The following ELAVL4 variants were observed in gnomAD, a reference collection of about 807,000 sequenced individuals.
The protein encoded by ELAVL4 is ELAV like RNA binding protein 4, also known as ELAV-like protein 4.
ELAVL4 carries 1 observed loss-of-function variant against 35.6 expected under a neutral mutation model. The ratio of observed to expected loss-of-function variants is 0.03; its 90% CI spans 0.01 to 0.13. ELAVL4 has a LOEUF of 0.13. ELAVL4 is among the 10% of genes least tolerant of loss of function. ELAVL4 has a pLI of 1.00. For missense variants in ELAVL4, 267 were observed against 464.9 expected, an observed-to-expected ratio of 0.57 and a Z score of 3.91; for synonymous variants, 156 against 171.0, an observed-to-expected ratio of 0.91 and a Z score of 0.69.
At chr1:50,103,325 CA>C, upstream of ELAVL4, among the ~76,000 whole-genome samples, 1 of 152,232 alleles carries the variant, frequency 6.6e-6, no homozygotes, top group South Asian at 2.1e-4. Flanking sequence ...GAACATTCGA[CA>C]GTGAATTTCT....
intron 1 of ELAVL4, among the ~76,000 whole-genome samples, chr1:50,138,747 T>C (rs1253757992): frequency 2.0e-5 from 3 of 152,140 alleles, no homozygotes; most frequent in Admixed American, 2.0e-4. Context: ...ATTACAGGCA[T>C]GAGCCACCAC....
intron 2 of ELAVL4, among the ~76,000 whole-genome samples, chr1:50,149,833 T>C (rs1572406773): frequency 6.6e-6 from 1 of 152,164 alleles, no homozygotes; most frequent in Non-Finnish European, 1.5e-5. Flanking sequence ...TGAGCCACTG[T>C]GCCTAGCCAC....
In ELAVL4 at chr1:50,183,134, G is replaced by A. The variant is rs936544439; in HGVS notation, c.354+5942G>A. On this transcript the variant is annotated intron_variant, in intron 3 of 6. Transcript: ENST00000371824. ...TGGCCTCCCAAAGTGCTGGGATTAC[G>A]GGTGTGAGCCACTGCGCCCGGCCGA... 3.8e-4 allele frequency among the ~76,000 whole-genome samples: 58 copies of A among 151,928 alleles called. 1 individual carries two copies. The highest frequency in any genetic ancestry group is 3.9e-4 in the Admixed American group (6 of 15,250).
chr1:50,075,931 GATTCTCATGCCTC>G (rs1664742684), intron 1 of ELAVL4, among the ~76,000 whole-genome samples: 1 of 151,988 alleles, frequency 6.6e-6, no homozygotes, highest in Non-Finnish European at 1.5e-5. Context: ...GGGTTCAAGC[GATTCTCATGCCTC>G]AGCCTCCTGA....
chr1:50,203,015 G>A lies in ELAVL4; in HGVS notation c.*1837G>A, dbSNP rs375334266. ...ATTTTAGTATGTTTGTGCTTTGTAC[G>A]GTTATATATTTAAAACGAAAACAAA... On this transcript the variant is annotated 3_prime_UTR_variant, in exon 7 of 7. Transcript: ENST00000371824. The A allele has an allele frequency of 1.3e-5, 2 of 152,056 alleles. No homozygotes were observed. The highest frequency in any genetic ancestry group is 4.8e-5 in the African/African-American group (2 of 41,404). The allele number at this position is 152,056 out of a possible 1,614,324, so 9.4% of individuals were successfully genotyped here.
intron 2 of ELAVL4, chr1:50,175,517 C>G (rs551507421): frequency 6.6e-6 from 1 of 152,342 alleles, no homozygotes; most frequent in African/African-American, 2.4e-5. Context: ...TCTTCAGTTA[C>G]TAATCCTGGC....
intron 2 of ELAVL4, among the ~76,000 whole-genome samples, chr1:50,164,763 T>TA (rs953526340): frequency 7.9e-5 from 12 of 152,054 alleles, no homozygotes; most frequent in South Asian, 2.1e-4. Context: ...AAGGCTCTGG[T>TA]AAAAAAAAGA....
At chr1:50,199,400 A>G (rs1008467798) in intron 6 of ELAVL4, among the ~76,000 whole-genome samples, 1 of 152,258 alleles carries the variant, frequency 6.6e-6, no homozygotes, top group African/African-American at 2.4e-5. Context: ...GAAAAGCAAG[A>G]AACTATTCAG....
intron 1 of ELAVL4, among the ~76,000 whole-genome samples, chr1:50,117,338 C>T (rs1218394188): frequency 6.6e-6 from 1 of 152,114 alleles, no homozygotes; most frequent in Non-Finnish European, 1.5e-5. Flanking sequence ...TATTACCATG[C>T]CTTTGTTGGC....
At chr1:50,192,787 G>A in intron 3 of ELAVL4, among the ~76,000 whole-genome samples, 1 of 152,148 alleles carries the variant, frequency 6.6e-6, no homozygotes, top group East Asian at 1.9e-4. Context: ...TATTTCAAAT[G>A]TCTGATGTTG....
chr1:50,149,003 A>AATT (rs1674247798), intron 2 of ELAVL4, among the ~76,000 whole-genome samples: 3 of 152,104 alleles, frequency 2.0e-5, no homozygotes, highest in African/African-American at 7.2e-5. Context: ...AGCAGAGCTG[A>AATT]ATTATTATTA....
Position 50,110,666 on chromosome 1 carries a change from A to G in ELAVL4, c.9+1468A>G, listed in dbSNP as rs552637096. On this transcript the variant is annotated intron_variant, in intron 1 of 6. Transcript: ENST00000371824. ...GTTTCACAAGGTTTCAGAGCTGGGT[A>G]TGGGGGCAGGCTGTAAATTCATAAC... Among the ~76,000 whole-genome samples, 7 of 152,224 alleles carry G rather than the reference A, an allele frequency of 4.6e-5. No individual in the cohort carries two copies. In the South Asian group the frequency reaches 8.3e-4, roughly 18 times the overall value.
In ELAVL4 at chr1:50,152,958, T is replaced by G. The variant is rs1031881990; in HGVS notation, c.250+7761T>G. Among the ~76,000 whole-genome samples the G allele has an allele frequency of 5.3e-5, 8 of 152,242 alleles. 1 individual carries two copies. Among genetic ancestry groups the G allele is most frequent in the Admixed American group, 5.2e-4 (8 of 15,286 alleles). ...ATAGATATTATTCCCTTTCCTTCCC[T>G]TCTCTGAAATTCTGTATCACAGTCT... On this transcript the variant is annotated intron_variant, in intron 2 of 6. Transcript: ENST00000371824.
intron 1 of ELAVL4, among the ~76,000 whole-genome samples, chr1:50,054,003 C>T (rs1330226765): frequency 1.3e-5 from 2 of 152,010 alleles, no homozygotes; most frequent in Non-Finnish European, 2.9e-5. Context: ...AGGGCAAAGG[C>T]CATATGGCAG....
At chr1:50,197,648 C>A in intron 6 of ELAVL4, 181 bp downstream of exon 6, 1 of 525,184 alleles carries the variant, frequency 1.9e-6, no homozygotes, top group Non-Finnish European at 3.2e-6. Flanking sequence ...TTTTAGGGCA[C>A]ACAAAATGTA....
At chr1:50,185,069 G>T (rs1427449686) in intron 3 of ELAVL4, among the ~76,000 whole-genome samples, 1 of 152,182 alleles carries the variant, frequency 6.6e-6, no homozygotes, top group Non-Finnish European at 1.5e-5. Flanking sequence ...CACAGATAGA[G>T]AACATTTTCC....
intron 1 of ELAVL4, among the ~76,000 whole-genome samples, chr1:50,142,021 TTA>T (rs1242297225): frequency 6.6e-6 from 1 of 152,226 alleles, no homozygotes; most frequent in African/African-American, 2.4e-5. Flanking sequence ...GGAATAATAG[TTA>T]TGATGCCTCT....
At chr1:50,097,948 A>T (rs1414065157) in intron 1 of ELAVL4, among the ~76,000 whole-genome samples, 2 of 152,230 alleles carry the variant, frequency 1.3e-5, no homozygotes, top group African/African-American at 2.4e-5. Context: ...AAAAATTTCA[A>T]GCAGGAGTTT....
At chr1:50,144,118 A>C (rs1450824892) in intron 1 of ELAVL4, among the ~76,000 whole-genome samples, 1 of 152,190 alleles carries the variant, frequency 6.6e-6, no homozygotes, top group African/African-American at 2.4e-5. Context: ...TCTATAGACT[A>C]TAAGCTCCCT....
Sources: allele counts gnomAD v4.1 joint callset (sites outside exome capture counted in the v4.1 genomes callset), GRCh38; gene constraint gnomAD v4.1.1; transcripts MANE v1.5; gene names NCBI Gene and HGNC (gene_info 2026-07-23, HGNC 2026-07-21).